MTOR: variants seen among roughly 807,000 people sequenced by gnomAD.
MTOR encodes the protein mechanistic target of rapamycin kinase.
MTOR carries 70 observed loss-of-function variants against 319.8 expected under a neutral mutation model. The observed-to-expected ratio is 0.22, with a 90% CI of 0.18 to 0.27. The LOEUF (loss-of-function observed/expected upper bound fraction) is 0.27, where lower values mean the gene tolerates loss of function less well. Among genes scored for constraint, MTOR ranks in the 10% least tolerant of loss-of-function variants. The probability of loss-of-function intolerance (pLI) is 1.00; values close to 1 mark genes in which losing one functional copy is unlikely to be tolerated. For synonymous variants in MTOR, 1,183 were observed against 1,211.4 expected (o/e 0.98, Z 0.49); for missense variants, 1,890 against 3,274.4 (o/e 0.58, Z 10.32).
At chr1:11,228,313 C>T (rs61296989) in intron 19 of MTOR, among the ~76,000 whole-genome samples, 4,255 of 152,040 alleles carry the variant, frequency 0.028, 213 homozygotes, top group African/African-American at 0.095. Context: ...CTTAGCCTCC[C>T]GAGTAGCTGG....
At chr1:11,234,817 C>T (rs749471867) in intron 13 of MTOR, among the ~76,000 whole-genome samples, 1 of 152,042 alleles carries the variant, frequency 6.6e-6, no homozygotes, top group African/African-American at 2.4e-5. Flanking sequence ...TCCCCCGAAG[C>T]CTTACTGACT....
Position 11,168,510 on chromosome 1 carries a change from C to T in MTOR, c.4254-993G>A, listed in dbSNP as rs80238837. 1.0e-3 allele frequency among the ~76,000 whole-genome samples: 157 copies of T among 152,322 alleles called. 1 individual carries two copies. Among genetic ancestry groups the T allele is most frequent in the African/African-American group, 3.7e-3 (154 of 41,584 alleles). On this transcript the variant is annotated intron_variant, in intron 28 of 57. Coordinates refer to ENST00000361445, the MANE Select transcript of MTOR (RefSeq NM_004958.4). ...GCTGTGGCAATGCAGCCCTGCTGACCGTTCTGACAGAGCCCACCCCCTTCA... is the reference window on the plus strand; with the variant it reads ...GCTGTGGCAATGCAGCCCTGCTGACTGTTCTGACAGAGCCCACCCCCTTCA...
chr1:11,254,543 T>C (rs1650109976), intron 5 of MTOR, among the ~76,000 whole-genome samples: 1 of 152,048 alleles, frequency 6.6e-6, no homozygotes, highest in South Asian at 2.1e-4. Context: ...TTGTCCAAGA[T>C]CACACAGCAA....
intron 26 of MTOR, among the ~76,000 whole-genome samples, chr1:11,203,965 G>A (rs1398885151): frequency 3.4e-5 from 3 of 89,170 alleles, no homozygotes; most frequent in Non-Finnish European, 9.2e-5. Context: ...CCATCTGTGA[G>A]AAGGCCCAAG....
rs763361085 is a variant in MTOR, at chr1:11,107,541, G to C, written c.7635-41C>G. 34 of 1,606,956 alleles carry C rather than the reference G, an allele frequency of 2.1e-5. No individual in the cohort carries two copies. The East Asian group carries it at 6.7e-4, about 32-fold the overall frequency. ...GAAAAGGAATATTTTAATAATTTGA[G>C]CTTCTTCAAAGGTTTACACAGATAA... On this transcript the variant is annotated intron_variant, in intron 57 of 57. Transcript: ENST00000361445.
rs1352131420 is a variant in MTOR, at chr1:11,199,406, G to A, written c.4108-3C>T. ...TCATCTCTCAGTGGCAGGGGGCCCT[G>A]GAGAAGAGCAAAACCTCACAGCACA... On this transcript the variant is annotated splice_region_variant and splice_polypyrimidine_tract_variant and intron_variant, in intron 27 of 57. Coordinates refer to ENST00000361445, the MANE Select transcript of MTOR (RefSeq NM_004958.4). This position sits in a 1 kb window ranked among gnomAD's most constrained non-coding sequence, Gnocchi z 4.5. 1.9e-6 allele frequency: 3 copies of A among 1,614,030 alleles called. No individual in the cohort carries two copies. In the African/African-American group the frequency reaches 4.0e-5, roughly 22 times the overall value.
At chr1:11,184,511 A>T (rs1645252636) in intron 28 of MTOR, among the ~76,000 whole-genome samples, 1 of 152,140 alleles carries the variant, frequency 6.6e-6, no homozygotes, top group Admixed American at 6.5e-5. Context: ...AGATGGGAAG[A>T]TCTCTTGAGG....
Position 11,130,578 on chromosome 1 carries a change from C to T in MTOR, c.5564G>A (p.Ser1855Asn), listed in dbSNP as rs1035352778. 1 of 1,613,652 alleles carries T rather than the reference C, an allele frequency of 6.2e-7. No individual in the cohort carries two copies. Among genetic ancestry groups the T allele is most frequent in the South Asian group, 1.1e-5 (1 of 91,050 alleles). ...CGATGGGGTGGGGCTGTTCTCGGTG[C>T]TCTCGGCCTCGCTCTCACTGTTGCT... ...EGSNSESEAE[S>N]TENSPTPSPL... is the part of the protein sequence containing the mutation. The change falls in exon 39 of 58, where the codon AGC becomes AAC. Residue 1855 changes from serine (S) to asparagine (N), a missense_variant. This residue lies in a region of MTOR where 91 missense variants were observed against 90.4 expected (regional missense o/e 1.01). Coordinates refer to ENST00000361445, the MANE Select transcript of MTOR (RefSeq NM_004958.4).
At chr1:11,157,107 C>T (rs543659320) in intron 30 of MTOR, 45 bp downstream of exon 30, 49 of 1,532,988 alleles carry the variant, frequency 3.2e-5, no homozygotes, top group Admixed American at 8.5e-5. Context: ...ATCAAAGAGA[C>T]GAAGTCTCTT....
At chr1:11,239,122 A>G (rs1472423797) in intron 11 of MTOR, among the ~76,000 whole-genome samples, 4 of 152,138 alleles carry the variant, frequency 2.6e-5, no homozygotes, top group African/African-American at 9.7e-5. Flanking sequence ...ATCAGCAGAA[A>G]GGTAAAAGGG....
intron 19 of MTOR, 121 bp from the exon 20 acceptor site, chr1:11,216,355 T>C: frequency 1.6e-6 from 1 of 630,790 alleles, no homozygotes; most frequent in Non-Finnish European, 2.8e-6. Context: ...CTACACTATC[T>C]ACTGAGAATA....
At chr1:11,244,876 G>C (rs1648614464) in intron 8 of MTOR, among the ~76,000 whole-genome samples, 1 of 152,212 alleles carries the variant, frequency 6.6e-6, no homozygotes, top group Non-Finnish European at 1.5e-5. Flanking sequence ...CTACACCACA[G>C]AGCTAGGTGT....
rs2100743247 is a variant in MTOR at position 11,199,126 on chromosome 1, T to C, written c.4253+132A>G. On this transcript the variant is annotated intron_variant, in intron 28 of 57. Coordinates refer to ENST00000361445, the MANE Select transcript of MTOR (RefSeq NM_004958.4). The surrounding 1 kb of genome is among the most constrained non-coding windows in gnomAD (Gnocchi z 4.5). ...TCTGCAACAACATGTCATTTAAACATGCTGGCCAGACCCAGAGGCAGATTT... is the reference window on the plus strand; with the variant it reads ...TCTGCAACAACATGTCATTTAAACACGCTGGCCAGACCCAGAGGCAGATTT... The C allele has an allele frequency of 8.8e-7, 1 of 1,135,540 alleles. No individual in the cohort carries two copies. The highest frequency in any genetic ancestry group is 1.4e-5 in the South Asian group (1 of 69,282). The allele number at this position is 1,135,540 out of a possible 1,614,324, so 70.3% of individuals were successfully genotyped here.
intron 28 of MTOR, among the ~76,000 whole-genome samples, chr1:11,197,105 A>C (rs1571141687): frequency 6.6e-6 from 1 of 152,152 alleles, no homozygotes; most frequent in East Asian, 1.9e-4. Flanking sequence ...GTAGACCAGG[A>C]ATTTAGCTTC....
chr1:11,170,336 CTAATAATATTA>C (rs1644773766), intron 28 of MTOR, among the ~76,000 whole-genome samples: 14 of 151,000 alleles, frequency 9.3e-5, no homozygotes, highest in African/African-American at 3.5e-4. Context: ...GTAAACTGTA[CTAATAATATTA>C]CTAGGTATAG....
At chr1:11,144,620 G>T (rs758279667) in intron 34 of MTOR, 28 bp downstream of exon 34, 46 of 1,607,540 alleles carry the variant, frequency 2.9e-5, no homozygotes, top group Middle Eastern at 3.3e-4. Flanking sequence ...GGGTAGGTGG[G>T]TGAACTGGGG....
At chr1:11,205,187 G>C (rs1265962769) in intron 25 of MTOR, among the ~76,000 whole-genome samples, 1 of 152,176 alleles carries the variant, frequency 6.6e-6, no homozygotes, top group African/African-American at 2.4e-5. Flanking sequence ...CAAGAAAAAG[G>C]GGTTGAACAG....
At chr1:11,217,530 A>G (rs1329477342) in intron 19 of MTOR, among the ~76,000 whole-genome samples, 1 of 150,874 alleles carries the variant, frequency 6.6e-6, no homozygotes, top group African/African-American at 2.4e-5. Context: ...CCTCCCGAGT[A>G]GCTGGGACTA....
rs1461866224 is a variant in MTOR at position 11,109,960 on chromosome 1, G to C, written c.7367-231C>G. On this transcript the variant is annotated intron_variant, in intron 54 of 57. Coordinates refer to ENST00000361445, the MANE Select transcript of MTOR (RefSeq NM_004958.4). The surrounding 1 kb of genome is among the most constrained non-coding windows in gnomAD (Gnocchi z 4.0). ...CTGAGGTGGAAGGATCACTTGAGTA[G>C]CTGAGTTCAAGACCAGCCTGAGACT... Among the ~76,000 whole-genome samples the C allele has an allele frequency of 6.7e-6, 1 of 148,884 alleles. No homozygotes were observed. The highest frequency in any genetic ancestry group is 6.8e-5 in the Admixed American group (1 of 14,768).
Sources: allele counts gnomAD v4.1 joint callset (sites outside exome capture counted in the v4.1 genomes callset), GRCh38; gene constraint gnomAD v4.1.1; regional missense constraint gnomAD v4.1.1; non-coding constraint Gnocchi (gnomAD v3.1); transcripts MANE v1.5; gene names NCBI Gene and HGNC (gene_info 2026-07-23, HGNC 2026-07-21).